The following SLC16A2 variants were observed in gnomAD, a reference collection of about 807,000 sequenced individuals.
SLC16A2 encodes solute carrier family 16 member 2, also known as monocarboxylate transporter 8.
A neutral mutation model predicts 27.2 loss-of-function variants in SLC16A2; 3 were observed. The observed-to-expected ratio is 0.11, with a 90% confidence interval of 0.05 to 0.28. SLC16A2 has a LOEUF of 0.28. Ranked by LOEUF, SLC16A2 falls within the 10% of genes least tolerant of loss-of-function variation. The probability of loss-of-function intolerance (pLI) is 1.00; values close to 1 mark genes in which losing one functional copy is unlikely to be tolerated. For synonymous variants in SLC16A2, 202 were observed against 187.8 expected, an observed-to-expected ratio of 1.08 and a Z score of -0.62; for missense variants, 295 against 458.5, an observed-to-expected ratio of 0.64 and a Z score of 3.26.
At chrX:74,506,141 C>A (rs5937837) in intron 1 of SLC16A2, among the ~76,000 whole-genome samples, 57,907 of 110,368 alleles carry the variant, frequency 0.52, 13,376 homozygotes, top group Non-Finnish European at 0.73. Context: ...CTCCTTCTGA[C>A]CCATGGGCTC....
At position 74,448,925 on chromosome X, in the gene SLC16A2, G is replaced by A. The variant is rs1171901919; in HGVS notation, c.430+26858G>A. ...TACCCAGCATTGAGACAGCCCCTGA[G>A]AGTTGTTCCTTCATGCCCGCATCTT... On this transcript the variant is annotated intron_variant, in intron 1 of 5. Coordinates refer to ENST00000587091, the MANE Select transcript of SLC16A2 (RefSeq NM_006517.5). 2.7e-5 allele frequency among the ~76,000 whole-genome samples: 3 copies of A among 111,287 alleles called. No homozygotes were observed. The South Asian group carries it at 1.1e-3, about 43-fold the overall frequency.
At chrX:74,500,998 A>C (rs986244159) in intron 1 of SLC16A2, among the ~76,000 whole-genome samples, 14 of 108,165 alleles carry the variant, frequency 1.3e-4, no homozygotes, top group African/African-American at 4.4e-4. Flanking sequence ...ATTTTTCTTC[A>C]TATATTAGGC....
At chrX:74,514,600 C>T (rs1275641696) in intron 1 of SLC16A2, among the ~76,000 whole-genome samples, 1 of 111,701 alleles carries the variant, frequency 9.0e-6, no homozygotes, top group Non-Finnish European at 1.9e-5. Context: ...TGGACTTTCA[C>T]TCTTGCCCGG....
intron 1 of SLC16A2, among the ~76,000 whole-genome samples, chrX:74,509,504 C>T (rs961778473): frequency 1.9e-4 from 21 of 111,347 alleles, no homozygotes; most frequent in Non-Finnish European, 1.3e-4. Context: ...TTGCATTGAT[C>T]GATTTTTGAA....
chrX:74,457,858 A>C (rs753548383), intron 1 of SLC16A2, among the ~76,000 whole-genome samples: 21 of 111,532 alleles, frequency 1.9e-4, no homozygotes, highest in Non-Finnish European at 3.6e-4. Context: ...GGCACTGGGC[A>C]CCGGGACCCC....
intron 1 of SLC16A2, among the ~76,000 whole-genome samples, chrX:74,467,872 G>A (rs1929281438): frequency 9.1e-6 from 1 of 110,428 alleles, no homozygotes; most frequent in South Asian, 3.9e-4. Flanking sequence ...CAAGTTCCTG[G>A]GCAACTTTCC....
At chrX:74,489,970 TACACACACACACACAC>T (rs55975734) in intron 1 of SLC16A2, among the ~76,000 whole-genome samples, 1 of 87,142 alleles carries the variant, frequency 1.1e-5, no homozygotes, top group Non-Finnish European at 2.2e-5. Context: ...GTCACACACA[TACACACACACACACAC>T]ACACACACAC....
intron 1 of SLC16A2, among the ~76,000 whole-genome samples, chrX:74,452,591 A>G (rs1342158758): frequency 8.9e-6 from 1 of 111,851 alleles, no homozygotes; most frequent in Non-Finnish European, 1.9e-5. Flanking sequence ...AAGATTATAT[A>G]TATAGTTTTA....
chrX:74,509,350 T>C (rs945460907), intron 1 of SLC16A2, among the ~76,000 whole-genome samples: 8 of 112,042 alleles, frequency 7.1e-5, no homozygotes, highest in Non-Finnish European at 1.3e-4. Flanking sequence ...CTCTATCAGG[T>C]TGTGAAAGTT....
At position 74,512,531 on chromosome X, in the gene SLC16A2, G is replaced by C. The variant is rs1397720054; in HGVS notation, c.431-8459G>C. On this transcript the variant is annotated intron_variant, in intron 1 of 5. Transcript: ENST00000587091. ...ACTTTGCACCGTCATTCCCTCATTT[G>C]AGCTTTTGTTAGTTCCCCACAATAA... Among the ~76,000 whole-genome samples, 4 of 112,001 alleles carry C rather than the reference G, an allele frequency of 3.6e-5. No individual in the cohort carries two copies. In the East Asian group the frequency reaches 1.1e-3, roughly 32 times the overall value.
chrX:74,472,096 T>G (rs777831710), intron 1 of SLC16A2, among the ~76,000 whole-genome samples: 1 of 112,342 alleles, frequency 8.9e-6, no homozygotes, highest in South Asian at 3.7e-4. Context: ...ATTTGGGTTG[T>G]TCCCACCTTT....
intron 1 of SLC16A2, among the ~76,000 whole-genome samples, chrX:74,427,836 CACACA>C (rs1569282326): frequency 4.5e-5 from 5 of 110,141 alleles, no homozygotes; most frequent in African/African-American, 1.3e-4. Flanking sequence ...CACACACACA[CACACA>C]CCCATACCCT....
intron 1 of SLC16A2, among the ~76,000 whole-genome samples, chrX:74,491,051 A>T (rs1006238160): frequency 8.9e-6 from 1 of 111,857 alleles, no homozygotes; most frequent in African/African-American, 3.3e-5. Context: ...AACTTCCTTC[A>T]TGGTCCTGAG....
intron 1 of SLC16A2, among the ~76,000 whole-genome samples, chrX:74,518,044 T>A (rs1930343746): frequency 8.9e-6 from 1 of 112,339 alleles, no homozygotes; most frequent in South Asian, 3.7e-4. Flanking sequence ...TTGGGTTGTT[T>A]CCAGATTTGC....
chrX:74,446,266 A>C (rs1928835446), intron 1 of SLC16A2, among the ~76,000 whole-genome samples: 1 of 111,178 alleles, frequency 9.0e-6, no homozygotes, highest in African/African-American at 3.3e-5. Context: ...GGGCAGGATA[A>C]ATTTCTCACA....
intron 2 of SLC16A2, among the ~76,000 whole-genome samples, chrX:74,523,974 G>C (rs981960613): frequency 2.7e-5 from 3 of 111,641 alleles, no homozygotes; most frequent in African/African-American, 9.8e-5. Context: ...CAATAGTAAG[G>C]TGAGGCTAGT....
intron 1 of SLC16A2, among the ~76,000 whole-genome samples, chrX:74,498,875 C>T (rs1330311045): frequency 9.0e-6 from 1 of 111,519 alleles, no homozygotes; most frequent in Non-Finnish European, 1.9e-5. Flanking sequence ...TCCACTGACT[C>T]TTCATCCACC....
rs759304321 is a variant in SLC16A2, at chrX:74,507,762, T to G, written c.431-13228T>G. 3.3e-4 allele frequency among the ~76,000 whole-genome samples: 37 copies of G among 112,288 alleles called. 1 individual carries two copies. The highest frequency in any genetic ancestry group is 2.9e-3 in the Admixed American group (31 of 10,599). On this transcript the variant is annotated intron_variant, in intron 1 of 5. Coordinates refer to ENST00000587091, the MANE Select transcript of SLC16A2 (RefSeq NM_006517.5). ...TCTTTTGCAGCAACATGGATAGAAC[T>G]GGAGGCCATTATCTTCAGTGAAATA...
At chrX:74,424,378 A>T (rs950833409) in intron 1 of SLC16A2, among the ~76,000 whole-genome samples, 1 of 111,231 alleles carries the variant, frequency 9.0e-6, no homozygotes, top group Non-Finnish European at 1.9e-5. Context: ...ACCCTATCAC[A>T]TGGAGCTCCT....
Sources: gnomAD v4.1 joint callset for allele counts (sites outside exome capture counted in the v4.1 genomes callset) on GRCh38, gnomAD v4.1.1 for gene constraint, MANE v1.5 for transcripts, NCBI Gene and HGNC (gene_info 2026-07-23, HGNC 2026-07-21) for gene names.